LNX1: variants seen among roughly 807,000 people sequenced by gnomAD.
LNX1 encodes E3 ubiquitin-protein ligase LNX.
A neutral mutation model predicts 68.4 loss-of-function variants in LNX1; 54 were observed. The ratio of observed to expected loss-of-function variants is 0.79; its 90% CI spans 0.63 to 0.99. The LOEUF (loss-of-function observed/expected upper bound fraction) is 0.99, where lower values mean the gene tolerates loss of function less well. LNX1 is among the 50% of genes least tolerant of loss of function. The pLI, the probability that LNX1 is intolerant of heterozygous loss-of-function variation, is 0.00. For synonymous variants in LNX1, 336 were observed against 350.0 expected, an observed-to-expected ratio of 0.96 and a Z score of 0.45; for missense variants, 906 against 926.4, an observed-to-expected ratio of 0.98 and a Z score of 0.29.
chr4:53,524,427 G>T (rs983008574), intron 2 of LNX1: 1 of 152,164 alleles, frequency 6.6e-6, no homozygotes, highest in African/African-American at 2.4e-5. Flanking sequence ...CCAAATCTGA[G>T]GACCAAGGTG....
upstream of LNX1, among the ~76,000 whole-genome samples, chr4:53,620,122 C>T (rs1033057122): frequency 1.3e-5 from 2 of 152,108 alleles, no homozygotes; most frequent in African/African-American, 4.8e-5. Context: ...AGGTGAGTTC[C>T]TTTACTACAA....
chr4:53,575,401 C>G, intron 1 of LNX1: 1 of 607,150 alleles, frequency 1.6e-6, no homozygotes, highest in Non-Finnish European at 2.1e-6. Flanking sequence ...AAGTCTCTTG[C>G]GTAGAAAGTC....
Position 53,494,997 on chromosome 4 carries a change from C to T in LNX1, c.1350+1026G>A, listed in dbSNP as rs191059913. Among the ~76,000 whole-genome samples the T allele has an allele frequency of 1.7e-3, 263 of 152,066 alleles. 1 individual carries two copies. The highest frequency in any genetic ancestry group is 5.4e-3 in the Admixed American group (83 of 15,254). On this transcript the variant is annotated intron_variant, in intron 6 of 10. Coordinates refer to ENST00000263925, the MANE Select transcript of LNX1 (RefSeq NM_001126328.3). ...AGTTATTTCCAAGGGTTAAGGAGGA[C>T]GTGGGGCGGGGAGGGAAATGGATGT... is the stretch of plus-strand genomic sequence containing the variant.
intron 2 of LNX1, among the ~76,000 whole-genome samples, chr4:53,512,508 G>GTGTGTGTC (rs60273663): frequency 6.7e-6 from 1 of 149,282 alleles, no homozygotes; most frequent in Non-Finnish European, 1.5e-5. Context: ...GTGTGTGTGT[G>GTGTGTGTC]TGTGTGTGTG....
At chr4:53,493,465 C>T in intron 6 of LNX1, among the ~76,000 whole-genome samples, 1 of 152,198 alleles carries the variant, frequency 6.6e-6, no homozygotes, top group Non-Finnish European at 1.5e-5. Context: ...GCTAAGTCCC[C>T]TTGTACCCTC....
intron 1 of LNX1, among the ~76,000 whole-genome samples, chr4:53,632,046 A>C (rs750261984): frequency 4.6e-5 from 7 of 152,132 alleles, no homozygotes; most frequent in Non-Finnish European, 1.0e-4. Context: ...GGTTCTTCTA[A>C]TCCATTGAAT....
chr4:53,552,146 G>A (rs1267364945), intron 2 of LNX1, among the ~76,000 whole-genome samples: 1 of 152,188 alleles, frequency 6.6e-6, no homozygotes, highest in East Asian at 1.9e-4. Flanking sequence ...GGCTTCCTGG[G>A]AAGTCAGTCA....
rs761439218 is a variant in LNX1, at chr4:53,476,756, G to C, written c.1889C>G (p.Pro630Arg). Residue 630 changes from proline to arginine, a missense_variant, in exon 9 of 11, where the codon CCA becomes CGA. Coordinates refer to ENST00000263925, the MANE Select transcript of LNX1 (RefSeq NM_001126328.3). ...GGGATGTTGTGTTTGGACTTACCGTGGTAATTCCAGCCACATGACCCAGGA... is the reference window on the plus strand; with the variant it reads ...GGGATGTTGTGTTTGGACTTACCGTCGTAATTCCAGCCACATGACCCAGGA... ...SPSWVMWLEL[P>R]RCLYNCKDIV... is the part of the protein sequence containing the mutation. The C allele has an allele frequency of 6.2e-6, 10 of 1,613,636 alleles. No homozygotes were observed. Among genetic ancestry groups the C allele is most frequent in the Non-Finnish European group, 8.5e-6 (10 of 1,179,548 alleles).
intron 2 of LNX1, among the ~76,000 whole-genome samples, chr4:53,601,220 C>T (rs1407877785): frequency 6.6e-6 from 1 of 152,042 alleles, no homozygotes; most frequent in Non-Finnish European, 1.5e-5. Flanking sequence ...ATTAACTAGA[C>T]CGGGGATCCC....
chr4:53,579,261 G>A (rs1355246111), intron 1 of LNX1: 11 of 984,706 alleles, frequency 1.1e-5, no homozygotes, highest in Non-Finnish European at 1.3e-5. Flanking sequence ...GTACGTGTAT[G>A]ATGGGTACGG....
chr4:53,523,155 CA>C (rs1727357838), intron 2 of LNX1: 1 of 152,228 alleles, frequency 6.6e-6, no homozygotes, highest in Non-Finnish European at 1.5e-5. Flanking sequence ...CAGGACCCTC[CA>C]GAGAGCTTCC....
intron 1 of LNX1, among the ~76,000 whole-genome samples, chr4:53,644,215 G>A (rs1349643616): frequency 1.3e-5 from 2 of 152,040 alleles, no homozygotes; most frequent in East Asian, 1.9e-4. Context: ...AGCCTGGCCA[G>A]CATGATGAAA....
upstream of LNX1, among the ~76,000 whole-genome samples, chr4:53,595,984 G>A (rs551080783): frequency 6.6e-6 from 1 of 152,156 alleles, no homozygotes; most frequent in East Asian, 1.9e-4. Context: ...AACCTCTTTG[G>A]CTATCTTCTA....
At chr4:53,484,831 T>C (rs187888420) in intron 6 of LNX1, among the ~76,000 whole-genome samples, 1 of 152,280 alleles carries the variant, frequency 6.6e-6, no homozygotes, top group African/African-American at 2.4e-5. Context: ...TCACAAAAAC[T>C]AGAAAATCCT....
intron 1 of LNX1, among the ~76,000 whole-genome samples, chr4:53,639,579 C>A (rs1301465672): frequency 1.3e-5 from 2 of 152,092 alleles, no homozygotes; most frequent in Admixed American, 6.5e-5. Context: ...ATGGTGCAAA[C>A]AAAGGCTCAC....
chr4:53,518,009 G>T (rs1208388635), intron 2 of LNX1, among the ~76,000 whole-genome samples: 1 of 152,094 alleles, frequency 6.6e-6, no homozygotes, highest in Non-Finnish European at 1.5e-5. Context: ...CCTCCAAACT[G>T]CTGGGAAAAT....
chr4:53,465,075 G>C (rs190169191), intron 9 of LNX1, among the ~76,000 whole-genome samples: 67 of 152,142 alleles, frequency 4.4e-4, no homozygotes, highest in Non-Finnish European at 8.1e-4. Context: ...TCTTCCAAGC[G>C]TCTTGCATTT....
chr4:53,592,598 C>T (rs2109823691), upstream of LNX1, among the ~76,000 whole-genome samples: 1 of 152,296 alleles, frequency 6.6e-6, no homozygotes, highest in East Asian at 1.9e-4. Context: ...TTTTTTTTCC[C>T]CTTCAGGAAA....
intron 2 of LNX1, among the ~76,000 whole-genome samples, chr4:53,602,232 T>G (rs1733049309): frequency 6.6e-6 from 1 of 152,180 alleles, no homozygotes; most frequent in African/African-American, 2.4e-5. Flanking sequence ...TTCTAGGTCC[T>G]GCAAGCAACA....
Sources: gnomAD v4.1 joint callset for allele counts (sites outside exome capture counted in the v4.1 genomes callset) on GRCh38, gnomAD v4.1.1 for gene constraint, MANE v1.5 for transcripts, NCBI Gene and HGNC (gene_info 2026-07-23, HGNC 2026-07-21) for gene names.